The following RBFOX1 variants were observed in gnomAD, a reference collection of about 807,000 sequenced individuals.
The protein encoded by RBFOX1 is RNA binding protein fox-1 homolog 1.
In RBFOX1, 8 loss-of-function variants were observed where a neutral mutation model predicts 57.7. The observed-to-expected ratio is 0.14, with a 90% CI of 0.08 to 0.25. RBFOX1 has a LOEUF of 0.25. RBFOX1 is among the 10% of genes least tolerant of loss of function. RBFOX1 has a pLI of 1.00. For missense variants in RBFOX1, 611 were observed against 548.5 expected (o/e 1.11, Z -1.14); for synonymous variants, 326 against 222.4 (o/e 1.47, Z -4.15).
intron 1 of RBFOX1, among the ~76,000 whole-genome samples, chr16:6,191,637 T>C (rs1211146337): frequency 2.0e-5 from 3 of 152,194 alleles, no homozygotes; most frequent in Non-Finnish European, 2.9e-5. Context: ...AAGAGTAATC[T>C]GTAATTTTTT....
chr16:7,104,805 C>T (rs1488168445), intron 4 of RBFOX1, among the ~76,000 whole-genome samples: 1 of 152,036 alleles, frequency 6.6e-6, no homozygotes, highest in African/African-American at 2.4e-5. Context: ...CAAAAATAAC[C>T]AACACAAAGA....
intron 1 of RBFOX1, among the ~76,000 whole-genome samples, chr16:5,463,756 C>T (rs2068867136): frequency 6.7e-6 from 1 of 149,800 alleles, no homozygotes; most frequent in Non-Finnish European, 1.5e-5. Context: ...GTCAAGATTG[C>T]ACCACTGCAC....
intron 1 of RBFOX1, chr16:5,366,312 G>A (rs535991): frequency 0.41 from 143,742 of 347,750 alleles, 30,144 homozygotes; most frequent in East Asian, 0.59. Context: ...TGATGATGAA[G>A]ATGATGATGA....
chr16:5,502,790 C>G (rs1452545396), intron 2 of RBFOX1, among the ~76,000 whole-genome samples: 3 of 152,148 alleles, frequency 2.0e-5, no homozygotes, highest in Non-Finnish European at 4.4e-5. Context: ...CTTTATCAGA[C>G]CATCTCCCGT....
intron 3 of RBFOX1, among the ~76,000 whole-genome samples, chr16:5,655,353 T>G (rs1187609130): frequency 1.3e-5 from 2 of 152,194 alleles, no homozygotes; most frequent in East Asian, 3.9e-4. Flanking sequence ...AAGACTCCTG[T>G]TGCCTGAGAA....
intron 3 of RBFOX1, among the ~76,000 whole-genome samples, chr16:6,856,955 G>A (rs1265662559): frequency 6.6e-6 from 1 of 152,168 alleles, no homozygotes; most frequent in Non-Finnish European, 1.5e-5. Flanking sequence ...AGGGACATGA[G>A]AAGAAAGGGA....
intron 4 of RBFOX1, among the ~76,000 whole-genome samples, chr16:7,493,688 A>T (rs1157254743): frequency 6.6e-6 from 1 of 152,234 alleles, no homozygotes; most frequent in African/African-American, 2.4e-5. Flanking sequence ...TGGTCATTAG[A>T]AGCTCAAAAA....
chr16:7,567,910 C>CAT (rs1485006674), intron 5 of RBFOX1, among the ~76,000 whole-genome samples: 1 of 142,270 alleles, frequency 7.0e-6, no homozygotes, highest in African/African-American at 2.6e-5. Flanking sequence ...TATATATATC[C>CAT]ATATATATGT....
chr16:5,969,477 ATTTTTTTT>A (rs34622040), intron 4 of RBFOX1, among the ~76,000 whole-genome samples: 1 of 117,040 alleles, frequency 8.5e-6, no homozygotes, highest in African/African-American at 3.2e-5. Context: ...ACGCCTGGCT[ATTTTTTTT>A]TTTTTTTTTT....
intron 1 of RBFOX1, among the ~76,000 whole-genome samples, chr16:6,128,668 A>T (rs11077005): frequency 6.6e-6 from 1 of 152,048 alleles, no homozygotes; most frequent in Non-Finnish European, 1.5e-5. Flanking sequence ...GGGAATGCTC[A>T]TAAGTCTGCA....
chr16:7,231,984 G>A (rs942439946), intron 4 of RBFOX1, among the ~76,000 whole-genome samples: 1 of 152,140 alleles, frequency 6.6e-6, no homozygotes, highest in Admixed American at 6.6e-5. Context: ...AGATAGGGGT[G>A]GTGGTTGCAT....
chr16:5,559,315 G>T (rs944820990), intron 2 of RBFOX1, among the ~76,000 whole-genome samples: 2 of 152,200 alleles, frequency 1.3e-5, no homozygotes, highest in Admixed American at 1.3e-4. Context: ...ATTCCATGAC[G>T]TACATCTTAA....
At chr16:6,072,332 C>G (rs375579452) in intron 1 of RBFOX1, among the ~76,000 whole-genome samples, 1 of 152,124 alleles carries the variant, frequency 6.6e-6, no homozygotes, top group African/African-American at 2.4e-5. Context: ...CACAGCCAAA[C>G]CATATCACTG....
intron 4 of RBFOX1, among the ~76,000 whole-genome samples, chr16:7,138,576 C>A (rs920672464): frequency 6.6e-6 from 1 of 152,266 alleles, no homozygotes; most frequent in East Asian, 1.9e-4. Context: ...ATCCTCATCC[C>A]CACTTTTCCT....
intron 2 of RBFOX1, among the ~76,000 whole-genome samples, chr16:6,491,598 A>T (rs951886176): frequency 3.3e-5 from 5 of 152,168 alleles, no homozygotes; most frequent in Non-Finnish European, 5.9e-5. Flanking sequence ...GATAGTGTCT[A>T]TTGAGTGCCT....
chr16:7,268,110 A>ATG (rs2095219344), intron 4 of RBFOX1, among the ~76,000 whole-genome samples: 1 of 152,198 alleles, frequency 6.6e-6, no homozygotes, highest in South Asian at 2.1e-4. Flanking sequence ...TATGGTAGGC[A>ATG]TGTGTAACAT....
chr16:6,677,020 T>G lies in RBFOX1; in HGVS notation c.-16+22370T>G, dbSNP rs142849785. Among the ~76,000 whole-genome samples the G allele has an allele frequency of 3.9e-5, 6 of 152,224 alleles. No individual in the cohort carries two copies. The East Asian group carries it at 1.2e-3, about 29-fold the overall frequency. ...CACAGATCCAAAAGACCAAAAGACT[T>G]GAAAAAGAATAAAAGGCACTTTTAA... On this transcript the variant is annotated intron_variant, in intron 3 of 15. Coordinates refer to ENST00000550418, the MANE Select transcript of RBFOX1 (RefSeq NM_018723.4).
At chr16:5,564,882 C>T (rs1435756352) in intron 2 of RBFOX1, among the ~76,000 whole-genome samples, 1 of 152,142 alleles carries the variant, frequency 6.6e-6, no homozygotes, top group Non-Finnish European at 1.5e-5. Flanking sequence ...GAGGTGGAGA[C>T]AGCTGTCCCT....
intron 4 of RBFOX1, among the ~76,000 whole-genome samples, chr16:7,310,224 C>G (rs1329812820): frequency 6.6e-6 from 1 of 152,198 alleles, no homozygotes; most frequent in Non-Finnish European, 1.5e-5. Flanking sequence ...GGCCAGGGTT[C>G]TCTCTGAAGG....
Sources: gnomAD v4.1 joint callset for allele counts (sites outside exome capture counted in the v4.1 genomes callset) on GRCh38, gnomAD v4.1.1 for gene constraint, MANE v1.5 for transcripts, NCBI Gene and HGNC (gene_info 2026-07-23, HGNC 2026-07-21) for gene names.